The following ACACA variants were observed in gnomAD, a reference collection of about 807,000 sequenced individuals.
ACACA encodes acetyl-CoA carboxylase 1.
Under a neutral mutation model 296.1 loss-of-function variants are expected in ACACA, and 103 were observed. The ratio of observed to expected loss-of-function variants is 0.35; its 90% CI spans 0.30 to 0.41. The LOEUF is 0.41. Among genes scored for constraint, ACACA ranks in the 10% least tolerant of loss-of-function variants. The pLI, the probability that ACACA is intolerant of heterozygous loss-of-function variation, is 1.00. For synonymous variants in ACACA, 953 were observed against 1,038.6 expected (o/e 0.92, Z 1.58); for missense variants, 1,554 against 2,989.7 (o/e 0.52, Z 11.20).
At chr17:37,272,440 C>T (rs2245066) in intron 9 of ACACA, among the ~76,000 whole-genome samples, 4,564 of 152,240 alleles carry the variant, frequency 0.03, 80 homozygotes, top group Middle Eastern at 0.095. Context: ...CTTTTATGCA[C>T]AGTCTCACCT....
At chr17:37,395,862 G>A (rs927480006) in intron 1 of ACACA, among the ~76,000 whole-genome samples, 1 of 152,214 alleles carries the variant, frequency 6.6e-6, no homozygotes, top group African/African-American at 2.4e-5. Flanking sequence ...TTTTTAAAGG[G>A]TTGATGTCAC....
intron 1 of ACACA, chr17:37,387,891 G>A (rs1168606015): frequency 6.6e-6 from 1 of 152,158 alleles, no homozygotes; most frequent in African/African-American, 2.4e-5. Context: ...GGCCAGGTGA[G>A]TTGGCTCACA....
intron 24 of ACACA, among the ~76,000 whole-genome samples, chr17:37,235,806 G>A (rs1369536407): frequency 2.0e-5 from 3 of 152,214 alleles, no homozygotes; most frequent in Middle Eastern, 3.4e-3. Flanking sequence ...AAGGTCTGTA[G>A]GGAGACTAAA....
rs951170944 is a variant in ACACA, at chr17:37,228,204, C to T, written c.3247-1752G>A. On this transcript the variant is annotated intron_variant, in intron 25 of 55. Coordinates refer to ENST00000616317, the MANE Select transcript of ACACA (RefSeq NM_198834.3). ...CATTATGCTGGGAAGGTTTCTCAAA[C>T]CCTTTTTTTTTTTTTTTTTTTTTTT... 2.2e-5 allele frequency among the ~76,000 whole-genome samples: 3 copies of T among 134,942 alleles called. No homozygotes were observed. In the South Asian group the frequency reaches 7.5e-4, roughly 34 times the overall value. 88.5% of individuals were successfully genotyped at this position (134,942 alleles called of 152,430 possible).
intron 3 of ACACA, among the ~76,000 whole-genome samples, chr17:37,291,990 T>C (rs2083091269): frequency 3.3e-5 from 5 of 152,050 alleles, no homozygotes; most frequent in Admixed American, 3.3e-4. Context: ...TAAGAAGTAA[T>C]TTTTTAACTT....
intron 3 of ACACA, among the ~76,000 whole-genome samples, chr17:37,293,562 T>G (rs11650095): frequency 7.0e-6 from 1 of 143,300 alleles, no homozygotes; most frequent in Non-Finnish European, 1.5e-5. Flanking sequence ...TTTTTTTTTG[T>G]GACAGAGTCT....
At chr17:37,308,840 G>A (rs2084000014) in intron 3 of ACACA, among the ~76,000 whole-genome samples, 1 of 152,078 alleles carries the variant, frequency 6.6e-6, no homozygotes, top group Non-Finnish European at 1.5e-5. Context: ...GGGAGACTGA[G>A]GCACAAGAAC....
intron 1 of ACACA, chr17:37,358,962 T>A: frequency 1.0e-6 from 1 of 985,824 alleles, no homozygotes; most frequent in Non-Finnish European, 1.2e-6. Flanking sequence ...TTTCTCCAGG[T>A]CCCCGGTCAC....
intron 1 of ACACA, among the ~76,000 whole-genome samples, chr17:37,374,993 C>T (rs1243258237): frequency 1.3e-5 from 2 of 150,484 alleles, no homozygotes; most frequent in Admixed American, 6.6e-5. Flanking sequence ...GTCAGGAGTT[C>T]GAGACCAGCC....
intron 43 of ACACA, among the ~76,000 whole-genome samples, chr17:37,152,958 C>G (rs957505520): frequency 6.6e-6 from 1 of 152,130 alleles, no homozygotes; most frequent in African/African-American, 2.4e-5. Flanking sequence ...ATTCTGCTGC[C>G]TTTCTATTTT....
chr17:37,134,289 T>C (rs767880861), intron 45 of ACACA, among the ~76,000 whole-genome samples: 64 of 152,306 alleles, frequency 4.2e-4, no homozygotes, highest in Middle Eastern at 6.8e-3. Context: ...AAAGCCCTTT[T>C]TGGAGATCAA....
intron 1 of ACACA, among the ~76,000 whole-genome samples, chr17:37,401,185 CTTTT>C (rs1005120969): frequency 1.5e-4 from 22 of 146,904 alleles, no homozygotes; most frequent in African/African-American, 5.2e-4. Flanking sequence ...ATGTCTTTTT[CTTTT>C]GTTTTTCTTT....
chr17:37,208,137 T>C (rs561548177), intron 30 of ACACA, among the ~76,000 whole-genome samples: 1 of 152,328 alleles, frequency 6.6e-6, no homozygotes, highest in African/African-American at 2.4e-5. Context: ...CCATCCTGCA[T>C]CTTCCCCCTC....
rs1169551376 is a variant in ACACA, at chr17:37,302,032, G to C, written c.339-17062C>G. On this transcript the variant is annotated intron_variant, in intron 3 of 55. Transcript: ENST00000616317. ...GTCTCGCTCTGTCTCCCAGGCTGGA[G>C]TGCAGTGGCACGATCTCCACTTACA... Among the ~76,000 whole-genome samples the C allele has an allele frequency of 4.0e-5, 6 of 151,684 alleles. No individual in the cohort carries two copies. The South Asian group carries it at 1.3e-3, about 32-fold the overall frequency.
At chr17:37,108,450 G>A (rs890211565) in intron 52 of ACACA, among the ~76,000 whole-genome samples, 4 of 151,224 alleles carry the variant, frequency 2.6e-5, no homozygotes, top group Admixed American at 6.6e-5. Context: ...GTGCAATGGC[G>A]CGATCTCGGC....
intron 2 of ACACA, among the ~76,000 whole-genome samples, chr17:37,333,437 C>T (rs2047976156): frequency 1.3e-5 from 2 of 152,192 alleles, no homozygotes; most frequent in South Asian, 4.1e-4. Context: ...ATTAGAAATG[C>T]TTATAGAAGG....
intron 1 of ACACA, among the ~76,000 whole-genome samples, chr17:37,384,563 A>T (rs1418550418): frequency 1.6e-5 from 2 of 123,598 alleles, no homozygotes; most frequent in Non-Finnish European, 3.9e-5. Flanking sequence ...CTTACAGATT[A>T]AAAAAAAAAA....
intron 3 of ACACA, chr17:37,299,437 A>G (rs2146862187): frequency 2.5e-6 from 4 of 1,596,346 alleles, no homozygotes; most frequent in Non-Finnish European, 3.4e-6. Flanking sequence ...CAGGAGGACA[A>G]GAGATACTGT....
rs1322321131 is a variant in ACACA, at chr17:37,243,436, T to C, written c.2866A>G (p.Lys956Glu). 1 of 1,614,188 alleles carries C rather than the reference T, an allele frequency of 6.2e-7. No individual in the cohort carries two copies. The highest frequency in any genetic ancestry group is 8.5e-7 in the Non-Finnish European group (1 of 1,180,026). Residue 956 changes from lysine (K) to glutamate (E), a missense_variant, in exon 22 of 56, where the codon AAG becomes GAG. By Grantham distance (56) the Lys-to-Glu change is moderately conservative. Transcript: ENST00000616317. ...RIPPNVEKSI[K>E]KEMAQYASNI... ...CTAGCATACTGAGCCATTTCCTTCT[T>C]GATAGACTTCTCCACATTGGGGGGA...
Sources: allele counts gnomAD v4.1 joint callset (sites outside exome capture counted in the v4.1 genomes callset), GRCh38; gene constraint gnomAD v4.1.1; transcripts MANE v1.5; gene names NCBI Gene and HGNC (gene_info 2026-07-23, HGNC 2026-07-21).